The following SCHIP1 variants were observed in gnomAD, a reference collection of about 807,000 sequenced individuals.
The protein encoded by SCHIP1 is schwannomin interacting protein 1, also known as schwannomin-interacting protein 1.
Under a neutral mutation model 29.7 loss-of-function variants are expected in SCHIP1, and 8 were observed. The observed-to-expected ratio is 0.27, with a 90% CI of 0.16 to 0.49. The LOEUF (loss-of-function observed/expected upper bound fraction) is 0.49, where lower values mean the gene tolerates loss of function less well. SCHIP1 is among the 20% of genes least tolerant of loss of function. The pLI is 0.99. For synonymous variants in SCHIP1, 76 were observed against 94.9 expected (o/e 0.80, Z 1.16); for missense variants, 193 against 294.6 (o/e 0.66, Z 2.52).
the SCHIP1 span, among the ~76,000 whole-genome samples, chr3:159,393,573 C>A: frequency 1.3e-5 from 2 of 150,508 alleles, no homozygotes; most frequent in African/African-American, 4.9e-5. Context: ...AATAGGGAAT[C>A]CTTTCCCCAT....
the SCHIP1 span, among the ~76,000 whole-genome samples, chr3:159,435,154 T>G: frequency 6.6e-6 from 1 of 152,170 alleles, no homozygotes; most frequent in Non-Finnish European, 1.5e-5. Context: ...ACAAGTCACA[T>G]GTCTTCTCCA....
chr3:159,520,892 G>T, the SCHIP1 span, among the ~76,000 whole-genome samples: 2 of 151,972 alleles, frequency 1.3e-5, no homozygotes, highest in African/African-American at 4.8e-5. Context: ...AGACATTTTG[G>T]TTATTTCAAT....
chr3:159,683,094 G>A, the SCHIP1 span, among the ~76,000 whole-genome samples: 3 of 152,140 alleles, frequency 2.0e-5, no homozygotes, highest in African/African-American at 7.2e-5. Context: ...TTATTTTTGA[G>A]ATAGAGTCTT....
At chr3:159,719,934 G>A in the SCHIP1 span, among the ~76,000 whole-genome samples, 4 of 152,196 alleles carry the variant, frequency 2.6e-5, no homozygotes, top group South Asian at 4.2e-4. Context: ...ACATGCACAC[G>A]TATGTTTATT....
chr3:159,295,291 T>C, the SCHIP1 span, among the ~76,000 whole-genome samples: 9 of 132,892 alleles, frequency 6.8e-5, no homozygotes, highest in Non-Finnish European at 1.4e-4. Flanking sequence ...TAGCCAGGCA[T>C]GGTGGTGTGC....
chr3:159,520,263 G>C, the SCHIP1 span, among the ~76,000 whole-genome samples: 2 of 152,130 alleles, frequency 1.3e-5, no homozygotes, highest in Admixed American at 1.3e-4. Flanking sequence ...GGTGAAGCCT[G>C]AGTTGGACCC....
At chr3:159,350,637 A>G in the SCHIP1 span, among the ~76,000 whole-genome samples, 3 of 152,254 alleles carry the variant, frequency 2.0e-5, no homozygotes, top group African/African-American at 2.4e-5. Context: ...AATAAATTTT[A>G]TTGTGTATAT....
the SCHIP1 span, among the ~76,000 whole-genome samples, chr3:159,284,110 G>A: frequency 3.3e-5 from 5 of 152,024 alleles, no homozygotes; most frequent in African/African-American, 4.8e-5. Context: ...ATTTCATATA[G>A]CATGGTAATT....
At chr3:159,817,723 T>A in the SCHIP1 span, among the ~76,000 whole-genome samples, 1 of 152,334 alleles carries the variant, frequency 6.6e-6, no homozygotes, top group East Asian at 1.9e-4. Flanking sequence ...AGAGAAGGAA[T>A]GGAGTGTAAC....
chr3:159,396,324 A>T, the SCHIP1 span, among the ~76,000 whole-genome samples: 15 of 149,964 alleles, frequency 1.0e-4, no homozygotes, highest in Admixed American at 3.3e-4. Context: ...ATTTACATTT[A>T]AAGTTAATAT....
At chr3:159,463,366 A>G in the SCHIP1 span, among the ~76,000 whole-genome samples, 11 of 152,086 alleles carry the variant, frequency 7.2e-5, no homozygotes, top group African/African-American at 2.4e-4. Context: ...AGTATTTTCT[A>G]TTTAATTTGA....
At chr3:159,505,740 C>T in the SCHIP1 span, among the ~76,000 whole-genome samples, 7 of 152,050 alleles carry the variant, frequency 4.6e-5, no homozygotes, top group South Asian at 4.1e-4. Context: ...TTAGTCCTTG[C>T]GATAGTTTGC....
chr3:159,587,142 T>C, the SCHIP1 span, among the ~76,000 whole-genome samples: 3 of 152,298 alleles, frequency 2.0e-5, no homozygotes, highest in East Asian at 5.8e-4. Context: ...ATAGACAGTC[T>C]GATTCATTAA....
At chr3:159,773,179 T>C in the SCHIP1 span, among the ~76,000 whole-genome samples, 1 of 152,258 alleles carries the variant, frequency 6.6e-6, no homozygotes, top group African/African-American at 2.4e-5. Flanking sequence ...TGCTTTTCCT[T>C]AGTTGCTTGA....
At chr3:159,522,062 T>G in the SCHIP1 span, among the ~76,000 whole-genome samples, 1 of 152,210 alleles carries the variant, frequency 6.6e-6, no homozygotes, top group Non-Finnish European at 1.5e-5. Context: ...AGTTCAAAAG[T>G]GTAATTAGAC....
chr3:159,321,082 A>T, the SCHIP1 span, among the ~76,000 whole-genome samples: 13 of 152,256 alleles, frequency 8.5e-5, no homozygotes, highest in Admixed American at 5.2e-4. Flanking sequence ...CTCCCAATTC[A>T]GCCTCCCAAG....
At chr3:159,554,166 G>A in the SCHIP1 span, among the ~76,000 whole-genome samples, 1 of 152,078 alleles carries the variant, frequency 6.6e-6, no homozygotes, top group African/African-American at 2.4e-5. Context: ...CACCTCGCCC[G>A]GTCAGTATTT....
At chr3:159,310,605 C>T in the SCHIP1 span, among the ~76,000 whole-genome samples, 4 of 152,116 alleles carry the variant, frequency 2.6e-5, no homozygotes, top group Non-Finnish European at 5.9e-5. Flanking sequence ...GTGCATTCTT[C>T]TCTTGGGGTT....
chr3:159,623,730 T>C, the SCHIP1 span, among the ~76,000 whole-genome samples: 1 of 152,186 alleles, frequency 6.6e-6, no homozygotes, highest in African/African-American at 2.4e-5. Flanking sequence ...GTAGGGTACT[T>C]GTATAAAATT....
Sources: gnomAD v4.1 joint callset for allele counts (sites outside exome capture counted in the v4.1 genomes callset) on GRCh38, gnomAD v4.1.1 for gene constraint, MANE v1.5 for transcripts, NCBI Gene and HGNC (gene_info 2026-07-23, HGNC 2026-07-21) for gene names.